COX16: variants seen among roughly 807,000 people sequenced by gnomAD.
COX16 encodes cytochrome c oxidase assembly protein COX16 homolog, mitochondrial.
COX16 carries 12 observed loss-of-function variants against 15.4 expected under a neutral mutation model. The observed-to-expected ratio is 0.78, with a 90% CI of 0.50 to 1.26. The LOEUF (loss-of-function observed/expected upper bound fraction) is 1.26. Among genes scored for constraint, COX16 ranks in the 50% most tolerant of loss-of-function variants. The probability of loss-of-function intolerance (pLI) is 0.00; values close to 1 mark genes in which losing one functional copy is unlikely to be tolerated. For missense variants in COX16, 124 were observed against 127.6 expected (o/e 0.97, Z 0.14); for synonymous variants, 46 against 41.1 (o/e 1.12, Z -0.46).
chr14:70,348,859 C>T (rs1455563046), intron 1 of COX16, among the ~76,000 whole-genome samples: 1 of 152,200 alleles, frequency 6.6e-6, no homozygotes, highest in African/African-American at 2.4e-5. Context: ...GCAGGGGCCA[C>T]CAAACCCGGG....
At position 70,347,890 on chromosome 14, in the gene COX16, C is replaced by A. The variant is rs935422957; in HGVS notation, c.70-5161G>T. Among the ~76,000 whole-genome samples, 12 of 152,200 alleles carry A rather than the reference C, an allele frequency of 7.9e-5. No individual in the cohort carries two copies. The South Asian group carries it at 2.5e-3, about 32-fold the overall frequency. On this transcript the variant is annotated intron_variant, in intron 1 of 3. Transcript: ENST00000389912. ...TGGGTTCCCTCCTTTGCTCTACTTG[C>A]CAAACCATTATACCAAGACACTAAA...
chr14:70,347,521 C>T (rs1488139812), intron 1 of COX16, among the ~76,000 whole-genome samples: 1 of 152,154 alleles, frequency 6.6e-6, no homozygotes, highest in African/African-American at 2.4e-5. Context: ...AGAGACAGCC[C>T]CCATCTTTTT....
At chr14:70,358,990 T>C (rs1594931983) in intron 1 of COX16, among the ~76,000 whole-genome samples, 1 of 152,184 alleles carries the variant, frequency 6.6e-6, no homozygotes, top group African/African-American at 2.4e-5. Context: ...ATTCACAAGG[T>C]GTTATTAGTT....
intron 3 of COX16, among the ~76,000 whole-genome samples, chr14:70,327,075 T>C (rs561914207): frequency 1.3e-5 from 2 of 152,334 alleles, no homozygotes; most frequent in South Asian, 4.1e-4. Flanking sequence ...TTTCTTCACC[T>C]TTCTCCTACT....
intron 2 of COX16, among the ~76,000 whole-genome samples, chr14:70,341,208 G>C (rs1429628600): frequency 6.6e-6 from 1 of 152,110 alleles, no homozygotes; most frequent in Non-Finnish European, 1.5e-5. Flanking sequence ...TAAATTGAAA[G>C]TTGCTAACTG....
At chr14:70,335,920 G>A (rs1045026871) in intron 2 of COX16, among the ~76,000 whole-genome samples, 1 of 152,090 alleles carries the variant, frequency 6.6e-6, no homozygotes, top group Non-Finnish European at 1.5e-5. Context: ...AAGGTTTTGG[G>A]ATGTATTCTA....
chr14:70,346,351 G>A (rs548869957), intron 1 of COX16, among the ~76,000 whole-genome samples: 1 of 152,324 alleles, frequency 6.6e-6, no homozygotes, highest in East Asian at 1.9e-4. Flanking sequence ...CCACGGGTCC[G>A]CAGCTCCACA....
chr14:70,325,585 A>C lies in COX16; in HGVS notation c.*748T>G, dbSNP rs1886040920. Reference sequence around the variant, plus strand: ...ACAGAGCGAGACTATGTCTCAAAACAAAACAAAAACACTAGAGGGCAATTT... The same window carrying C: ...ACAGAGCGAGACTATGTCTCAAAACCAAACAAAAACACTAGAGGGCAATTT... On this transcript the variant is annotated 3_prime_UTR_variant, in exon 4 of 4. Transcript: ENST00000389912. 1 of 152,220 alleles carries C rather than the reference A, an allele frequency of 6.6e-6. No individual in the cohort carries two copies. Among genetic ancestry groups the C allele is most frequent in the African/African-American group, 2.4e-5 (1 of 41,464 alleles). 9.4% of individuals were successfully genotyped at this position (152,220 alleles called of 1,614,324 possible). A position where few individuals can be genotyped will look rare whatever the true frequency, so the allele number is the denominator to read the frequency against.
At chr14:70,328,432 A>G (rs1463700117) in intron 3 of COX16, among the ~76,000 whole-genome samples, 1 of 152,210 alleles carries the variant, frequency 6.6e-6, no homozygotes, top group African/African-American at 2.4e-5. Flanking sequence ...AAGAAACAGG[A>G]AAATATAATC....
intron 3 of COX16, chr14:70,328,355 T>G (rs1886161463): frequency 6.6e-6 from 1 of 152,084 alleles, no homozygotes; most frequent in Non-Finnish European, 1.5e-5. Flanking sequence ...TCAACACTCT[T>G]CAGAATTTTC....
At chr14:70,345,358 C>T (rs1160619740) in intron 1 of COX16, among the ~76,000 whole-genome samples, 1 of 152,202 alleles carries the variant, frequency 6.6e-6, no homozygotes, top group African/African-American at 2.4e-5. Flanking sequence ...GATCGTGTTC[C>T]AGGAACGAAA....
At chr14:70,350,508 C>T (rs1278732843) in intron 1 of COX16, among the ~76,000 whole-genome samples, 1 of 152,178 alleles carries the variant, frequency 6.6e-6, no homozygotes, top group African/African-American at 2.4e-5. Flanking sequence ...GGTCACCTCT[C>T]ACCTCATATT....
chr14:70,336,732 G>C (rs1886468394), intron 2 of COX16, among the ~76,000 whole-genome samples: 1 of 152,150 alleles, frequency 6.6e-6, no homozygotes, highest in African/African-American at 2.4e-5. Context: ...AATTTTGATT[G>C]TGTGAAATTT....
At chr14:70,335,189 C>T (rs1020528584) in intron 2 of COX16, among the ~76,000 whole-genome samples, 1 of 152,010 alleles carries the variant, frequency 6.6e-6, no homozygotes, top group Non-Finnish European at 1.5e-5. Context: ...CAGCTGAGCA[C>T]CCAGATATAC....
intron 2 of COX16, among the ~76,000 whole-genome samples, chr14:70,341,093 C>T (rs1886610826): frequency 6.6e-6 from 1 of 152,056 alleles, no homozygotes; most frequent in South Asian, 2.1e-4. Context: ...CTTATTTTCT[C>T]CCTTCCAAAT....
Position 70,326,441 on chromosome 14 carries a change from T to G in COX16, c.213A>C (p.Lys71Asn). The part of the protein sequence containing the change: ...ISLESEYEKI[K>N]DSKFDDWKNI... Reference sequence around the variant, plus strand: ...TCTTCCAGTCATCAAACTTGGAGTCTTTGATTTTCTATAGAACCACAAAAA... The same window carrying G: ...TCTTCCAGTCATCAAACTTGGAGTCGTTGATTTTCTATAGAACCACAAAAA... The change falls in exon 4 of 4, where the codon AAA (lysine) becomes AAC (asparagine). Residue 71 changes from lysine to asparagine, a missense_variant. Coordinates refer to ENST00000389912, the MANE Select transcript of COX16 (RefSeq NM_016468.7). The G allele has an allele frequency of 6.3e-7, 1 of 1,582,262 alleles. No homozygotes were observed. Among genetic ancestry groups the G allele is most frequent in the Non-Finnish European group, 8.6e-7 (1 of 1,167,320 alleles).
intron 2 of COX16, among the ~76,000 whole-genome samples, chr14:70,330,761 G>C (rs2140682393): frequency 6.6e-6 from 1 of 152,240 alleles, no homozygotes; most frequent in East Asian, 1.9e-4. Flanking sequence ...ATTAGGCACA[G>C]AAGAGCAGTC....
chr14:70,358,406 G>A (rs566154777), intron 1 of COX16, among the ~76,000 whole-genome samples: 9 of 129,054 alleles, frequency 7.0e-5, no homozygotes, highest in Non-Finnish European at 9.5e-5. Flanking sequence ...GAGAGACAGA[G>A]GTCTTGCTGG....
chr14:70,359,260 G>T, intron 1 of COX16: 1 of 589,522 alleles, frequency 1.7e-6, no homozygotes, highest in South Asian at 1.5e-5. Flanking sequence ...TTCGACGATG[G>T]GAAAGACGCC....
Sources: gnomAD v4.1 joint callset for allele counts (sites outside exome capture counted in the v4.1 genomes callset) on GRCh38, gnomAD v4.1.1 for gene constraint, MANE v1.5 for transcripts, NCBI Gene and HGNC (gene_info 2026-07-23, HGNC 2026-07-21) for gene names.